The following ATP10A variants were observed in gnomAD, a reference collection of about 807,000 sequenced individuals.
The protein encoded by ATP10A is ATPase phospholipid transporting 10A (putative), also known as phospholipid-transporting ATPase VA.
A neutral mutation model predicts 147.8 loss-of-function variants in ATP10A; 111 were observed. The observed-to-expected ratio is 0.75, with a 90% CI of 0.64 to 0.88. ATP10A has a LOEUF of 0.88. Among genes scored for constraint, ATP10A ranks in the 40% least tolerant of loss-of-function variants. The pLI, the probability that ATP10A is intolerant of heterozygous loss-of-function variation, is 0.00. For synonymous variants in ATP10A, 875 were observed against 841.6 expected (o/e 1.04, Z -0.69); for missense variants, 1,927 against 1,959.0 (o/e 0.98, Z 0.31).
chr15:25,697,077 G>T lies in ATP10A; in HGVS notation c.2761-1931C>A, dbSNP rs115564977. 5.7e-3 allele frequency among the ~76,000 whole-genome samples: 871 copies of T among 152,306 alleles called. 6 individuals are homozygous for T. Among genetic ancestry groups the T allele is most frequent in the African/African-American group, 0.02 (847 of 41,566 alleles). ...AGGGGATTCTTGGGGAACCAGAGGC[G>T]CTGGAAAAATTGTAAAGAGAAGCTT... is the stretch of plus-strand genomic sequence containing the variant. On this transcript the variant is annotated intron_variant, in intron 13 of 20. Coordinates refer to ENST00000555815, the MANE Select transcript of ATP10A (RefSeq NM_024490.4).
At chr15:25,810,566 A>C (rs1891384662) in intron 1 of ATP10A, among the ~76,000 whole-genome samples, 1 of 152,174 alleles carries the variant, frequency 6.6e-6, no homozygotes, top group African/African-American at 2.4e-5. Context: ...AAGCCGGTCA[A>C]AGAAAGCAGT....
chr15:25,854,305 A>G (rs990288555), intron 1 of ATP10A, among the ~76,000 whole-genome samples: 1 of 152,222 alleles, frequency 6.6e-6, no homozygotes, highest in Admixed American at 6.5e-5. Flanking sequence ...ATTAATATCC[A>G]CTGATCATCC....
rs185185752 is a variant in ATP10A, at chr15:25,761,488, C to T, written c.654+19531G>A. Among the ~76,000 whole-genome samples the T allele has an allele frequency of 1.8e-3, 274 of 152,362 alleles. 2 individuals are homozygous for T. The highest frequency in any genetic ancestry group is 6.3e-3 in the African/African-American group (262 of 41,588). ...GCTTGCACTAAGTGCCTGGAAAAGC[C>T]ACAGACACTCAACGCCAGCTGTGAA... On this transcript the variant is annotated intron_variant, in intron 2 of 20. Transcript: ENST00000555815.
intron 1 of ATP10A, among the ~76,000 whole-genome samples, chr15:25,837,255 G>A (rs1339546567): frequency 6.6e-6 from 1 of 152,112 alleles, no homozygotes; most frequent in Non-Finnish European, 1.5e-5. Context: ...AAAAGAACCA[G>A]GATACAGAAG....
intron 1 of ATP10A, among the ~76,000 whole-genome samples, chr15:25,839,551 C>T (rs1230750989): frequency 6.6e-6 from 1 of 152,130 alleles, no homozygotes; most frequent in East Asian, 1.9e-4. Flanking sequence ...GCGGCAGGCT[C>T]GTCCTCTCTC....
At chr15:25,723,635 T>G (rs1311615109) in intron 6 of ATP10A, among the ~76,000 whole-genome samples, 1 of 151,700 alleles carries the variant, frequency 6.6e-6, no homozygotes, top group Non-Finnish European at 1.5e-5. Context: ...AACAACAAAA[T>G]GAAAACAGTG....
At position 25,680,819 on chromosome 15, in the gene ATP10A, G is replaced by A; in HGVS notation, c.3669C>T (p.Thr1223=). The change falls in exon 19 of 21, where the codon ACC becomes ACT. Residue 1223 remains threonine (T), a synonymous_variant. Transcript: ENST00000555815. ...LTFLLHLGIE[T]KTWTWLNWIT... ...TGCAGGCGGCTCTTACCCAGGTTTT[G>A]GTTTCAATGCCCAGGTGGAGCAGGA... 1 of 1,613,268 alleles carries A rather than the reference G, an allele frequency of 6.2e-7. No individual in the cohort carries two copies. Among genetic ancestry groups the A allele is most frequent in the South Asian group, 1.1e-5 (1 of 91,018 alleles).
At chr15:25,718,833 C>G (rs1045115332) in intron 7 of ATP10A, among the ~76,000 whole-genome samples, 2 of 152,100 alleles carry the variant, frequency 1.3e-5, no homozygotes, top group Admixed American at 6.5e-5. Context: ...CCCACATGGA[C>G]GGTGGCCACC....
intron 1 of ATP10A, among the ~76,000 whole-genome samples, chr15:25,795,117 A>G (rs961416821): frequency 8.5e-5 from 13 of 152,116 alleles, no homozygotes; most frequent in African/African-American, 2.4e-4. Context: ...TTCTTTGGGA[A>G]AATTGTGTAG....
chr15:25,847,825 T>G (rs986123252), intron 1 of ATP10A, among the ~76,000 whole-genome samples: 1 of 151,694 alleles, frequency 6.6e-6, no homozygotes, highest in Non-Finnish European at 1.5e-5. Context: ...AGGGATGAGG[T>G]TTTGCCATGT....
chr15:25,804,203 T>C (rs371052980), intron 1 of ATP10A, among the ~76,000 whole-genome samples: 4 of 151,294 alleles, frequency 2.6e-5, no homozygotes, highest in Non-Finnish European at 5.9e-5. Context: ...TAGCTTGGTA[T>C]GTGTGTGCAT....
chr15:25,701,048 G>A (rs931145640), intron 13 of ATP10A, among the ~76,000 whole-genome samples: 6 of 152,146 alleles, frequency 3.9e-5, no homozygotes, highest in Non-Finnish European at 2.9e-5. Context: ...GGGAATGGTG[G>A]GAATCTGGAT....
intron 2 of ATP10A, among the ~76,000 whole-genome samples, chr15:25,778,530 G>A (rs1889740147): frequency 6.6e-6 from 1 of 151,276 alleles, no homozygotes. Context: ...GGGGAAAAAG[G>A]TAATTGGGAC....
intron 1 of ATP10A, among the ~76,000 whole-genome samples, chr15:25,786,715 T>C (rs1596884927): frequency 7.5e-6 from 1 of 132,668 alleles, no homozygotes; most frequent in Admixed American, 8.9e-5. Context: ...AAGCTCCGCC[T>C]CCTGGGTTCA....
chr15:25,693,213 G>A (rs2140315100), intron 14 of ATP10A, among the ~76,000 whole-genome samples: 1 of 151,908 alleles, frequency 6.6e-6, no homozygotes, highest in South Asian at 2.1e-4. Flanking sequence ...TGTAGAGATG[G>A]GGACTCACTA....
At chr15:25,690,222 AT>A (rs1400746560) in intron 15 of ATP10A, among the ~76,000 whole-genome samples, 6 of 138,256 alleles carry the variant, frequency 4.3e-5, no homozygotes, top group Admixed American at 7.7e-5. Context: ...GTTTTCCTTA[AT>A]TTTTTTTCCT....
At chr15:25,757,198 G>C (rs1888459987) in intron 2 of ATP10A, among the ~76,000 whole-genome samples, 1 of 152,110 alleles carries the variant, frequency 6.6e-6, no homozygotes, top group African/African-American at 2.4e-5. Context: ...ATATGGTAGA[G>C]AGTAGCTAAA....
chr15:25,708,396 T>C, intron 10 of ATP10A, 96 bp from the exon 11 acceptor site: 1 of 1,051,214 alleles, frequency 9.5e-7, no homozygotes, highest in Admixed American at 2.1e-5. Context: ...GTTCGTTACT[T>C]GCGAATAGAG....
chr15:25,755,497 C>G (rs1037737544), intron 2 of ATP10A, among the ~76,000 whole-genome samples: 25 of 152,196 alleles, frequency 1.6e-4, no homozygotes, highest in African/African-American at 6.0e-4. Flanking sequence ...CAACCCAGAA[C>G]AGTTTTGGGA....
Sources: gnomAD v4.1 joint callset for allele counts (sites outside exome capture counted in the v4.1 genomes callset) on GRCh38, gnomAD v4.1.1 for gene constraint, MANE v1.5 for transcripts, NCBI Gene and HGNC (gene_info 2026-07-23, HGNC 2026-07-21) for gene names.